RUBCNL: variants seen among roughly 807,000 people sequenced by gnomAD.
RUBCNL encodes protein associated with UVRAG as autophagy enhancer.
A neutral mutation model predicts 69.5 loss-of-function variants in RUBCNL; 62 were observed. The ratio of observed to expected loss-of-function variants is 0.89; its 90% CI spans 0.73 to 1.10. The LOEUF is 1.10. Ranked by LOEUF, RUBCNL falls within the 50% of genes least tolerant of loss-of-function variation. RUBCNL has a pLI of 0.00. For synonymous variants in RUBCNL, 291 were observed against 303.6 expected (o/e 0.96, Z 0.43); for missense variants, 768 against 798.1 (o/e 0.96, Z 0.45).
intron 1 of RUBCNL, among the ~76,000 whole-genome samples, chr13:46,381,290 T>C (rs763770093): frequency 4.6e-5 from 7 of 152,112 alleles, no homozygotes; most frequent in Non-Finnish European, 8.8e-5. Flanking sequence ...TCATTAGAAA[T>C]GAAGTACTAA....
chr13:46,354,953 T>A (rs566858429), intron 10 of RUBCNL: 1 of 407,624 alleles, frequency 2.5e-6, no homozygotes, highest in African/African-American at 2.1e-5. Context: ...AGCGCCAGGA[T>A]ACAGTGGTTA....
chr13:46,346,768 G>A (rs1467006142), intron 12 of RUBCNL, among the ~76,000 whole-genome samples: 3 of 149,852 alleles, frequency 2.0e-5, no homozygotes, highest in Admixed American at 1.3e-4. Flanking sequence ...TGAAAAAAAC[G>A]CTTTAAAGCT....
At chr13:46,381,802 G>A (rs1393323909) in intron 1 of RUBCNL, among the ~76,000 whole-genome samples, 2 of 152,032 alleles carry the variant, frequency 1.3e-5, no homozygotes, top group Non-Finnish European at 2.9e-5. Flanking sequence ...GGCTGGTCTC[G>A]AACTCCTGAC....
At chr13:46,379,641 T>C (rs765704507) in intron 1 of RUBCNL, among the ~76,000 whole-genome samples, 1 of 152,212 alleles carries the variant, frequency 6.6e-6, no homozygotes, top group South Asian at 2.1e-4. Context: ...TAAAGGATAC[T>C]AGAGAATAGA....
At chr13:46,361,104 A>C (rs2048599292) in intron 8 of RUBCNL, among the ~76,000 whole-genome samples, 1 of 152,216 alleles carries the variant, frequency 6.6e-6, no homozygotes, top group South Asian at 2.1e-4. Flanking sequence ...GTGCGCCTGT[A>C]GTCCCAGCTA....
chr13:46,375,991 C>T (rs1185101168), intron 2 of RUBCNL, among the ~76,000 whole-genome samples: 1 of 152,180 alleles, frequency 6.6e-6, no homozygotes, highest in African/African-American at 2.4e-5. Context: ...GATCTATTTC[C>T]ACTTAATGAA....
At chr13:46,344,897 C>T (rs900852722) in intron 13 of RUBCNL, 66 bp from the exon 14 acceptor site, 2 of 1,022,186 alleles carry the variant, frequency 2.0e-6, no homozygotes, top group African/African-American at 3.2e-5. Flanking sequence ...TTCACTATTA[C>T]AGAACTTTAT....
At chr13:46,361,208 G>C (rs2048602609) in intron 8 of RUBCNL, among the ~76,000 whole-genome samples, 1 of 152,172 alleles carries the variant, frequency 6.6e-6, no homozygotes. Context: ...CTGGGTGACA[G>C]AGCAAGAATC....
chr13:46,364,629 T>TAA (rs34783424), intron 5 of RUBCNL, among the ~76,000 whole-genome samples: 1,645 of 139,552 alleles, frequency 0.012, 35 homozygotes, highest in African/African-American at 0.036. Context: ...GTTTAACTGA[T>TAA]AAAAAAAAAA....
intron 5 of RUBCNL, 131 bp downstream of exon 5, chr13:46,367,911 T>G: frequency 1.2e-6 from 1 of 837,772 alleles, no homozygotes; most frequent in South Asian, 1.6e-5. Context: ...GTATATAGAG[T>G]TTGGTACTAT....
At chr13:46,383,741 G>A (rs958321496) in intron 1 of RUBCNL, among the ~76,000 whole-genome samples, 1 of 152,182 alleles carries the variant, frequency 6.6e-6, no homozygotes, top group African/African-American at 2.4e-5. Context: ...ACAAGTCCAG[G>A]TGGCACTGTT....
chr13:46,371,825 A>C, intron 3 of RUBCNL, 116 bp downstream of exon 3: 1 of 1,068,088 alleles, frequency 9.4e-7, no homozygotes, highest in South Asian at 1.6e-5. Context: ...GGCTGCTGAC[A>C]ATATTAGATG....
At chr13:46,370,893 C>T (rs2048862048) in intron 3 of RUBCNL, among the ~76,000 whole-genome samples, 1 of 148,782 alleles carries the variant, frequency 6.7e-6, no homozygotes, top group African/African-American at 2.5e-5. Flanking sequence ...TTAGAACTAT[C>T]CAAGCAAGTG....
At chr13:46,357,595 G>A (rs1166169931) in intron 9 of RUBCNL, among the ~76,000 whole-genome samples, 1 of 151,724 alleles carries the variant, frequency 6.6e-6, no homozygotes, top group Non-Finnish European at 1.5e-5. Flanking sequence ...ATCATTTCTG[G>A]TAAGAGATAT....
chr13:46,340,025 T>C lies in RUBCNL; in HGVS notation c.*3360A>G, dbSNP rs2048130631. On this transcript the variant is annotated 3_prime_UTR_variant, in exon 15 of 15. Transcript: ENST00000429979. ...CTGCCTCTCTCCGGCTTCTGGGGGC[T>C]GCCAGCAATTCTTGGTGCTCCTTGG... Among the ~76,000 whole-genome samples, 1 of 152,040 alleles carries C rather than the reference T, an allele frequency of 6.6e-6. No individual in the cohort carries two copies. The highest frequency in any genetic ancestry group is 6.5e-5 in the Admixed American group (1 of 15,272).
chr13:46,363,680 C>A (rs1304965021), intron 5 of RUBCNL, among the ~76,000 whole-genome samples: 1 of 151,730 alleles, frequency 6.6e-6, no homozygotes, highest in African/African-American at 2.4e-5. Context: ...TGGCAGAACC[C>A]CCGTCTCTAC....
At chr13:46,375,455 C>T (rs2048970908) in intron 2 of RUBCNL, among the ~76,000 whole-genome samples, 1 of 152,164 alleles carries the variant, frequency 6.6e-6, no homozygotes, top group Non-Finnish European at 1.5e-5. Flanking sequence ...ATCGCTTGAA[C>T]CTGGCAGGCG....
chr13:46,355,152 T>C (rs868007075), intron 10 of RUBCNL, among the ~76,000 whole-genome samples: 4 of 152,186 alleles, frequency 2.6e-5, no homozygotes, highest in African/African-American at 9.7e-5. Flanking sequence ...AAAAACCGAC[T>C]ATCAAAGGCT....
Position 46,340,703 on chromosome 13 carries a change from G to A in RUBCNL, c.*2682C>T, listed in dbSNP as rs972969751. Among the ~76,000 whole-genome samples, 1 of 152,188 alleles carries A rather than the reference G, an allele frequency of 6.6e-6. No individual in the cohort carries two copies. Among genetic ancestry groups the A allele is most frequent in the Non-Finnish European group, 1.5e-5 (1 of 68,032 alleles). On this transcript the variant is annotated 3_prime_UTR_variant, in exon 15 of 15. Coordinates refer to ENST00000429979, the MANE Select transcript of RUBCNL (RefSeq NM_025113.5). ...GGCTGCTTCCACTCATGGTGGAGGG[G>A]AAGGGGAGCCTGCGTGTGCAGACTC...
Sources: gnomAD v4.1 joint callset for allele counts (sites outside exome capture counted in the v4.1 genomes callset) on GRCh38, gnomAD v4.1.1 for gene constraint, MANE v1.5 for transcripts, NCBI Gene and HGNC (gene_info 2026-07-23, HGNC 2026-07-21) for gene names.